PTPRG: variants seen among roughly 807,000 people sequenced by gnomAD.
The protein encoded by PTPRG is protein tyrosine phosphatase receptor type G.
A neutral mutation model predicts 165.3 loss-of-function variants in PTPRG; 102 were observed. That is an observed-to-expected ratio of 0.62 (90% CI 0.53 to 0.73). PTPRG has a LOEUF of 0.73. Ranked by LOEUF, PTPRG falls within the 30% of genes least tolerant of loss-of-function variation. PTPRG has a pLI of 0.00. For synonymous variants in PTPRG, 675 were observed against 669.5 expected, an observed-to-expected ratio of 1.01 and a Z score of -0.13; for missense variants, 1,866 against 1,861.4, an observed-to-expected ratio of 1.00 and a Z score of -0.05.
chr3:61,854,058 A>C (rs913932984), intron 2 of PTPRG, among the ~76,000 whole-genome samples: 11 of 152,218 alleles, frequency 7.2e-5, no homozygotes, highest in African/African-American at 2.7e-4. Flanking sequence ...CAAAAGAGAA[A>C]GGCCTGTTTG....
rs191679418 is a variant in PTPRG at position 62,008,807 on chromosome 3, C to T, written c.519+5310C>T. Among the ~76,000 whole-genome samples the T allele has an allele frequency of 3.8e-3, 573 of 152,264 alleles. 1 individual carries two copies. The highest frequency in any genetic ancestry group is 0.024 in the Middle Eastern group (7 of 294). ...TGCAGTTCACAATAGGGTTTGTGCT[C>T]CTATGAGAATGTACTGCTGCTGATT... On this transcript the variant is annotated intron_variant, in intron 4 of 29. Coordinates refer to ENST00000474889, the MANE Select transcript of PTPRG (RefSeq NM_002841.4).
rs536556377 is a variant in PTPRG, at chr3:62,229,973, A to G, written c.2289-1252A>G. Among the ~76,000 whole-genome samples, 1 of 152,302 alleles carries G rather than the reference A, an allele frequency of 6.6e-6. No homozygotes were observed. The highest frequency in any genetic ancestry group is 1.9e-4 in the East Asian group (1 of 5,184). On this transcript the variant is annotated intron_variant, in intron 13 of 29. Coordinates refer to ENST00000474889, the MANE Select transcript of PTPRG (RefSeq NM_002841.4). This position sits in a 1 kb window ranked among gnomAD's most constrained non-coding sequence, Gnocchi z 4.6. ...GCTGCAAATTTCAAGTTTTTATGAG[A>G]ATTTGTAAAAACATTCCAACACACT...
chr3:61,612,717 G>A (rs1701205564), intron 1 of PTPRG, among the ~76,000 whole-genome samples: 1 of 152,206 alleles, frequency 6.6e-6, no homozygotes, highest in African/African-American at 2.4e-5. Flanking sequence ...GCAGAGAGCA[G>A]TTATGTCCCA....
chr3:61,737,598 C>A (rs1384964684), intron 1 of PTPRG, among the ~76,000 whole-genome samples: 1 of 152,124 alleles, frequency 6.6e-6, no homozygotes, highest in Non-Finnish European at 1.5e-5. Context: ...GTGGTTTCTT[C>A]AACCTGGCTC....
intron 2 of PTPRG, among the ~76,000 whole-genome samples, chr3:61,759,790 C>G (rs147096910): frequency 1.9e-3 from 287 of 151,376 alleles, no homozygotes; most frequent in Non-Finnish European, 2.8e-3. Flanking sequence ...AAAGTCATTT[C>G]TTCTTGAGGT....
At chr3:61,884,322 C>T (rs147340434) in intron 2 of PTPRG, among the ~76,000 whole-genome samples, 26 of 152,228 alleles carry the variant, frequency 1.7e-4, no homozygotes, top group Admixed American at 3.9e-4. Context: ...TATACCAGCT[C>T]GGTGAAATGA....
chr3:61,841,139 A>G (rs1254643200), intron 2 of PTPRG, among the ~76,000 whole-genome samples: 2 of 152,154 alleles, frequency 1.3e-5, no homozygotes, highest in African/African-American at 2.4e-5. Flanking sequence ...TACCAACTTT[A>G]ACAATGAAAA....
intron 7 of PTPRG, among the ~76,000 whole-genome samples, chr3:62,161,579 G>A (rs1415689006): frequency 6.6e-6 from 1 of 152,168 alleles, no homozygotes; most frequent in Non-Finnish European, 1.5e-5. Flanking sequence ...AATGAAGGAG[G>A]TTTTTTAATG....
chr3:61,950,516 A>G (rs2039874405), intron 2 of PTPRG, among the ~76,000 whole-genome samples: 1 of 152,230 alleles, frequency 6.6e-6, no homozygotes, highest in South Asian at 2.1e-4. Context: ...TCTTTCAGAC[A>G]GAAGCCCAGA....
intron 2 of PTPRG, among the ~76,000 whole-genome samples, chr3:61,772,058 TAAAAAAA>T (rs71100977): frequency 2.3e-4 from 15 of 64,820 alleles, no homozygotes; most frequent in African/African-American, 6.8e-4. Flanking sequence ...AGACTCTGTC[TAAAAAAA>T]AAAAAAAAAA....
chr3:62,140,876 A>AGT (rs1703902362), intron 6 of PTPRG, among the ~76,000 whole-genome samples: 1 of 143,358 alleles, frequency 7.0e-6, no homozygotes, highest in African/African-American at 2.6e-5. Flanking sequence ...AAAAAAAAAG[A>AGT]GTGGGGTGGA....
rs551834122 is a variant in PTPRG, at chr3:62,022,304, C to G, written c.519+18807C>G. ...TTTCAACATGTGAGAAGTCTTCCAG[C>G]TTACGTTTGTAAGAACTAGATCATA... On this transcript the variant is annotated intron_variant, in intron 4 of 29. Coordinates refer to ENST00000474889, the MANE Select transcript of PTPRG (RefSeq NM_002841.4). Among the ~76,000 whole-genome samples, 4 of 152,294 alleles carry G rather than the reference C, an allele frequency of 2.6e-5. No individual in the cohort carries two copies. In the South Asian group the frequency reaches 8.3e-4, roughly 32 times the overall value.
At chr3:61,835,868 C>G (rs762244087) in intron 2 of PTPRG, among the ~76,000 whole-genome samples, 1 of 151,484 alleles carries the variant, frequency 6.6e-6, no homozygotes, top group Non-Finnish European at 1.5e-5. Flanking sequence ...TGGTGAAACC[C>G]CATCTCTGTT....
intron 2 of PTPRG, among the ~76,000 whole-genome samples, chr3:61,774,397 C>T (rs571593216): frequency 6.6e-6 from 1 of 152,280 alleles, no homozygotes; most frequent in Non-Finnish European, 1.5e-5. Context: ...TGCTTGCTGG[C>T]ACTTGAAAAT....
chr3:61,705,434 G>A (rs1028532695), intron 1 of PTPRG, among the ~76,000 whole-genome samples: 4 of 152,042 alleles, frequency 2.6e-5, no homozygotes, highest in African/African-American at 7.2e-5. Flanking sequence ...TTTGGATTTT[G>A]TGGACCAGTT....
intron 1 of PTPRG, among the ~76,000 whole-genome samples, chr3:61,672,592 G>A (rs1160741329): frequency 2.8e-5 from 4 of 144,148 alleles, no homozygotes; most frequent in South Asian, 2.3e-4. Flanking sequence ...TGGCGGCGCC[G>A]CCTGCAATTG....
At chr3:62,151,913 G>C (rs1335770340) in intron 6 of PTPRG, among the ~76,000 whole-genome samples, 1 of 152,048 alleles carries the variant, frequency 6.6e-6, no homozygotes, top group African/African-American at 2.4e-5. Flanking sequence ...GAACCTCCTT[G>C]TAATGTCAGT....
At chr3:61,870,600 C>G (rs552575028) in intron 2 of PTPRG, among the ~76,000 whole-genome samples, 3 of 140,452 alleles carry the variant, frequency 2.1e-5, no homozygotes, top group African/African-American at 8.0e-5. Flanking sequence ...AGGCTGGCCT[C>G]GAACTCCTGA....
At chr3:61,702,241 A>C (rs1052744111) in intron 1 of PTPRG, among the ~76,000 whole-genome samples, 5 of 152,164 alleles carry the variant, frequency 3.3e-5, no homozygotes, top group African/African-American at 1.2e-4. Context: ...GGCCTCCCAA[A>C]GTGCTGGGAT....
Sources: allele counts gnomAD v4.1 joint callset (sites outside exome capture counted in the v4.1 genomes callset), GRCh38; gene constraint gnomAD v4.1.1; non-coding constraint Gnocchi (gnomAD v3.1); transcripts MANE v1.5; gene names NCBI Gene and HGNC (gene_info 2026-07-23, HGNC 2026-07-21).